MACROD2: variants seen among roughly 807,000 people sequenced by gnomAD.
MACROD2 encodes the protein ADP-ribose glycohydrolase MACROD2.
A neutral mutation model predicts 70.4 loss-of-function variants in MACROD2; 36 were observed. That is an observed-to-expected ratio of 0.51 (90% CI 0.39 to 0.68). The LOEUF (loss-of-function observed/expected upper bound fraction) is 0.68. Among genes scored for constraint, MACROD2 ranks in the 30% least tolerant of loss-of-function variants. The pLI is 0.00. For missense variants in MACROD2, 496 were observed against 538.4 expected (o/e 0.92, Z 0.78); for synonymous variants, 172 against 178.8 (o/e 0.96, Z 0.30).
intron 6 of MACROD2, among the ~76,000 whole-genome samples, chr20:15,322,959 T>G (rs2077888393): frequency 1.4e-5 from 2 of 144,318 alleles, no homozygotes; most frequent in South Asian, 4.6e-4. Context: ...ATTCTGGTCC[T>G]GCCTCTCTGT....
At chr20:14,301,425 C>T (rs966453528) in intron 3 of MACROD2, among the ~76,000 whole-genome samples, 1 of 152,076 alleles carries the variant, frequency 6.6e-6, no homozygotes, top group African/African-American at 2.4e-5. Context: ...ATAGTTTGGT[C>T]GCCTTATAGG....
At chr20:14,935,511 T>C (rs1318800551) in intron 5 of MACROD2, 1 of 152,194 alleles carries the variant, frequency 6.6e-6, no homozygotes, top group Non-Finnish European at 1.5e-5. Context: ...CTCAGGCATC[T>C]GGGATCCCTT....
chr20:14,396,287 G>T (rs1377179343), intron 3 of MACROD2, among the ~76,000 whole-genome samples: 2 of 152,074 alleles, frequency 1.3e-5, no homozygotes, highest in African/African-American at 4.8e-5. Flanking sequence ...TTCTCTACTT[G>T]TTCTATTAAT....
intron 5 of MACROD2, among the ~76,000 whole-genome samples, chr20:14,788,974 G>C (rs1341685549): frequency 4.0e-5 from 6 of 151,682 alleles, no homozygotes; most frequent in Non-Finnish European, 8.8e-5. Flanking sequence ...TCACCATGTT[G>C]GTCAGGCTGG....
At chr20:15,877,869 A>G (rs1217943625) in intron 9 of MACROD2, among the ~76,000 whole-genome samples, 1 of 152,096 alleles carries the variant, frequency 6.6e-6, no homozygotes, top group African/African-American at 2.4e-5. Flanking sequence ...GATTATCGTA[A>G]TTGTTCTCCT....
chr20:14,275,243 A>G (rs2082240628), intron 3 of MACROD2, among the ~76,000 whole-genome samples: 2 of 152,202 alleles, frequency 1.3e-5, no homozygotes, highest in African/African-American at 2.4e-5. Context: ...CTACAAGGCT[A>G]CAGTAACCCA....
chr20:14,088,349 T>G (rs1175207619), intron 3 of MACROD2, among the ~76,000 whole-genome samples: 1 of 128,056 alleles, frequency 7.8e-6, no homozygotes, highest in African/African-American at 3.0e-5. Flanking sequence ...AAAAAAAAAG[T>G]TAAAGCTCAT....
chr20:15,148,359 T>C (rs1025437702), intron 5 of MACROD2, among the ~76,000 whole-genome samples: 3 of 151,980 alleles, frequency 2.0e-5, no homozygotes, highest in Non-Finnish European at 4.4e-5. Flanking sequence ...AAAACAGGTA[T>C]TAAAGGACTA....
intron 8 of MACROD2, among the ~76,000 whole-genome samples, chr20:15,683,534 C>A (rs1416508593): frequency 1.3e-5 from 2 of 152,162 alleles, no homozygotes; most frequent in Non-Finnish European, 2.9e-5. Context: ...TGCCACCCAT[C>A]TGAGGGACCC....
At chr20:15,486,231 A>T (rs2047161472) in intron 7 of MACROD2, among the ~76,000 whole-genome samples, 1 of 152,078 alleles carries the variant, frequency 6.6e-6, no homozygotes. Context: ...TCCATACTTG[A>T]TCTTAAAAAT....
At chr20:15,134,998 C>T (rs938800924) in intron 5 of MACROD2, among the ~76,000 whole-genome samples, 6 of 152,290 alleles carry the variant, frequency 3.9e-5, no homozygotes, top group Non-Finnish European at 5.9e-5. Context: ...CATACACCCT[C>T]CCAAGACTAA....
intron 3 of MACROD2, among the ~76,000 whole-genome samples, chr20:14,206,513 T>G (rs1282066550): frequency 6.6e-6 from 1 of 152,252 alleles, no homozygotes; most frequent in African/African-American, 2.4e-5. Flanking sequence ...TTTCATAGTT[T>G]GCTTTTGCCA....
intron 5 of MACROD2, chr20:14,935,361 A>G (rs1262720075): frequency 1.3e-5 from 2 of 152,064 alleles, no homozygotes; most frequent in Non-Finnish European, 2.9e-5. Context: ...AGCATCTCAG[A>G]ATATGCTGGA....
chr20:14,651,226 C>G (rs1305240713), intron 4 of MACROD2, among the ~76,000 whole-genome samples: 2 of 152,064 alleles, frequency 1.3e-5, no homozygotes, highest in African/African-American at 2.4e-5. Context: ...TCTGATGAAT[C>G]CACCGAAGAC....
chr20:15,172,145 A>C (rs879721372), intron 5 of MACROD2, among the ~76,000 whole-genome samples: 1 of 152,176 alleles, frequency 6.6e-6, no homozygotes, highest in Admixed American at 6.5e-5. Flanking sequence ...TAAGACAGTG[A>C]GAAGCTTCTA....
intron 5 of MACROD2, among the ~76,000 whole-genome samples, chr20:15,005,702 G>A (rs564627451): frequency 8.5e-4 from 130 of 152,172 alleles, no homozygotes; most frequent in African/African-American, 2.2e-3. Context: ...CTCAAATTGC[G>A]AATTCTGAGA....
At chr20:15,931,805 T>C (rs1055278201) in intron 10 of MACROD2, among the ~76,000 whole-genome samples, 3 of 152,168 alleles carry the variant, frequency 2.0e-5, no homozygotes, top group African/African-American at 4.8e-5. Context: ...TAAACTTTTT[T>C]TCCCCATTTA....
rs2085357724 is a variant in MACROD2, at chr20:14,535,863, A to G, written c.301+42355A>G. Reference sequence around the variant, plus strand: ...TAGAATTGAATTTGTAGAAGATTTCACTAGTTCTTCAAGTATATATTTTTA... The same window carrying G: ...TAGAATTGAATTTGTAGAAGATTTCGCTAGTTCTTCAAGTATATATTTTTA... On this transcript the variant is annotated intron_variant, in intron 4 of 17. Transcript: ENST00000684519. Among the ~76,000 whole-genome samples, 2 of 152,174 alleles carry G rather than the reference A, an allele frequency of 1.3e-5. 1 individual carries two copies. Among genetic ancestry groups the G allele is most frequent in the South Asian group, 4.1e-4 (2 of 4,836 alleles).
Position 15,122,264 on chromosome 20 carries a change from C to T in MACROD2, c.419-107676C>T, listed in dbSNP as rs138936971. ...GGCTCTGTAATACCATTTTCCCTAT[C>T]ATCTGGATGTATTGCTATTTGTTTG... is the stretch of plus-strand genomic sequence containing the variant. On this transcript the variant is annotated intron_variant, in intron 5 of 17. Transcript: ENST00000684519. Among the ~76,000 whole-genome samples, 3 of 152,220 alleles carry T rather than the reference C, an allele frequency of 2.0e-5. No individual in the cohort carries two copies. In the East Asian group the frequency reaches 5.8e-4, roughly 30 times the overall value.
Sources: gnomAD v4.1 joint callset for allele counts (sites outside exome capture counted in the v4.1 genomes callset) on GRCh38, gnomAD v4.1.1 for gene constraint, MANE v1.5 for transcripts, NCBI Gene and HGNC (gene_info 2026-07-23, HGNC 2026-07-21) for gene names.